NLRP2: variants seen among roughly 807,000 people sequenced by gnomAD.
NLRP2 encodes the protein NLR family pyrin domain containing 2.
A neutral mutation model predicts 97.2 loss-of-function variants in NLRP2; 107 were observed. The observed-to-expected ratio is 1.10, with a 90% CI of 0.94 to 1.29. The LOEUF (loss-of-function observed/expected upper bound fraction) is 1.29. Ranked by LOEUF, NLRP2 falls within the 50% of genes most tolerant of loss-of-function variation. The pLI is 0.00. For synonymous variants in NLRP2, 663 were observed against 551.5 expected (o/e 1.20, Z -2.83); for missense variants, 1,495 against 1,330.3 (o/e 1.12, Z -1.93).
rs577153079 is a variant in NLRP2, at chr19:54,996,994, G to A, written c.2880-323G>A. ...GCGATCTCGGCTCACTGCAACCTCCGCCTCCTGGGTTCAAGCGATTCTCCT... is the reference window on the plus strand; with the variant it reads ...GCGATCTCGGCTCACTGCAACCTCCACCTCCTGGGTTCAAGCGATTCTCCT... On this transcript the variant is annotated intron_variant, in intron 11 of 12. Transcript: ENST00000448584. Among the ~76,000 whole-genome samples the A allele has an allele frequency of 2.7e-4, 41 of 152,060 alleles. 1 individual carries two copies. The highest frequency in any genetic ancestry group is 9.4e-4 in the African/African-American group (39 of 41,496).
rs760197573 is a variant in NLRP2, at chr19:54,970,127, G to T, written c.112G>T (p.Glu38Ter). Residue 38 changes from glutamate to a stop codon, truncating the protein, a stop_gained, in exon 2 of 13, where the codon GAG becomes TAG. Coordinates refer to ENST00000448584, the MANE Select transcript of NLRP2 (RefSeq NM_017852.5). LOFTEE classifies it high-confidence loss of function. The part of the protein sequence containing the change: ...YLITTFSLAH[E>*]LQKIPHKEVD... ...GATCACGACCTTCTCCCTGGCACACGAGCTCCAGAAGATCCCCCACAAGGA... is the reference window on the plus strand; with the variant it reads ...GATCACGACCTTCTCCCTGGCACACTAGCTCCAGAAGATCCCCCACAAGGA... 6.2e-6 allele frequency: 10 copies of T among 1,613,958 alleles called. No homozygotes were observed. In the Admixed American group the frequency reaches 8.3e-5, roughly 13 times the overall value.
At position 54,997,334 on chromosome 19, in the gene NLRP2, T is replaced by TCC; in HGVS notation, c.2899_2900dup (p.Pro968LeufsTer33). The TCC allele has an allele frequency of 6.2e-7, 1 of 1,613,802 alleles. No individual in the cohort carries two copies. Among genetic ancestry groups the TCC allele is most frequent in the Non-Finnish European group, 8.5e-7 (1 of 1,180,018 alleles). On this transcript the variant is annotated frameshift_variant, in exon 12 of 13. Transcript: ENST00000448584. LOFTEE classifies it high-confidence loss of function. ...TTCCCCAGGTTGTGGGGATGTTCCA[T>TCC]CCCTCCGTTCAGTTGTGAAGACCTC...
chr19:54,987,506 C>G (rs1276628058), intron 8 of NLRP2, among the ~76,000 whole-genome samples: 1 of 151,988 alleles, frequency 6.6e-6, no homozygotes, highest in Non-Finnish European at 1.5e-5. Context: ...GCCTGGGAGG[C>G]CGAGGTGGGT....
intron 3 of NLRP2, 116 bp downstream of exon 3, chr19:54,974,660 C>T (rs2071083225): frequency 2.5e-6 from 2 of 811,362 alleles, no homozygotes; most frequent in African/African-American, 1.7e-5. Context: ...GACTTAGCAT[C>T]CCTGCTCCCA....
chr19:54,982,756 A>T lies in NLRP2; in HGVS notation c.1058A>T (p.Tyr353Phe). The T allele has an allele frequency of 6.2e-7, 1 of 1,614,112 alleles. No homozygotes were observed. Residue 353 changes from tyrosine to phenylalanine, a missense_variant, in exon 6 of 13, where the codon TAC becomes TTC. Coordinates refer to ENST00000448584, the MANE Select transcript of NLRP2 (RefSeq NM_017852.5). ...CGGATCCTGGCGGAGGAGCCGATCT[A>T]CATAAGGGTGGAGGGCTTCCTGGAG... ...DLRILAEEPI[Y>F]IRVEGFLEED...
chr19:54,991,410 A>C (rs1234260606), intron 10 of NLRP2: 3 of 152,230 alleles, frequency 2.0e-5, no homozygotes, highest in African/African-American at 7.2e-5. Flanking sequence ...AAAATTAGTC[A>C]CGCATGGTGG....
At chr19:54,971,009 C>T (rs1454615859) in intron 2 of NLRP2, among the ~76,000 whole-genome samples, 6 of 116,344 alleles carry the variant, frequency 5.2e-5, no homozygotes, top group African/African-American at 2.0e-4. Flanking sequence ...GTGTGATGTT[C>T]CCCTTCCTGT....
chr19:54,997,702 G>A (rs369151254), intron 12 of NLRP2, among the ~76,000 whole-genome samples: 89 of 151,128 alleles, frequency 5.9e-4, no homozygotes, highest in African/African-American at 1.9e-3. Flanking sequence ...TGATCCGCCC[G>A]CCTCGGCCTC....
intron 12 of NLRP2, among the ~76,000 whole-genome samples, chr19:54,998,684 G>A (rs1178062869): frequency 1.5e-5 from 2 of 130,370 alleles, no homozygotes; most frequent in African/African-American, 5.8e-5. Flanking sequence ...CTCACAGAGG[G>A]GGATTTGGCA....
chr19:54,985,147 C>T lies in NLRP2; in HGVS notation c.2131C>T (p.Leu711Phe), dbSNP rs1222365479. The change falls in exon 7 of 13, where the codon CTC becomes TTC. Residue 711 changes from leucine to phenylalanine, a missense_variant. Leu to Phe is a conservative substitution (Grantham distance 22). Transcript: ENST00000448584. Reference sequence around the variant, plus strand: ...GGGTCTAGCAATCAATGATAGCTTTCTCAGTGCCTCCCTAGTAAGGATCCT... The same window carrying T: ...GGGTCTAGCAATCAATGATAGCTTTTTCAGTGCCTCCCTAGTAAGGATCCT... ...LMGLAINDSF[L>F]SASLVRILCE... 1 of 1,614,040 alleles carries T rather than the reference C, an allele frequency of 6.2e-7. No individual in the cohort carries two copies.
In NLRP2 at chr19:54,990,463, G is replaced by A. The variant is rs761089735; in HGVS notation, c.2538-39G>A. The A allele has an allele frequency of 4.0e-5, 65 of 1,606,698 alleles. 2 individuals carry two copies. In the South Asian group the frequency reaches 6.9e-4, roughly 17 times the overall value. On this transcript the variant is annotated intron_variant, in intron 9 of 12. Coordinates refer to ENST00000448584, the MANE Select transcript of NLRP2 (RefSeq NM_017852.5). The stretch of plus-strand genomic sequence containing the variant: ...GAGCTAGCCGGGAAGGTTGAAGTTG[G>A]ACCTGTCAACCGTGTTGCCATTTGT...
intron 12 of NLRP2, among the ~76,000 whole-genome samples, chr19:54,998,991 T>A (rs1343470780): frequency 1.4e-5 from 2 of 144,530 alleles, no homozygotes; most frequent in Non-Finnish European, 3.1e-5. Context: ...GAAGAATTTT[T>A]CTTAGTACAG....
At chr19:54,972,338 T>G (rs1051409452) in intron 2 of NLRP2, among the ~76,000 whole-genome samples, 1 of 151,898 alleles carries the variant, frequency 6.6e-6, no homozygotes, top group Non-Finnish European at 1.5e-5. Flanking sequence ...CACCTGCCAC[T>G]GTGCCTGGCT....
Position 54,982,633 on chromosome 19 carries a change from A to T in NLRP2, c.935A>T (p.Lys312Met). 6.2e-7 allele frequency: 1 copy of T among 1,614,134 alleles called. No homozygotes were observed. The highest frequency in any genetic ancestry group is 8.5e-7 in the Non-Finnish European group (1 of 1,180,012). The change falls in exon 6 of 13, where the codon AAG becomes ATG. Residue 312 changes from lysine to methionine, a missense_variant. By Grantham distance (95) the Lys-to-Met change is moderately conservative (BLOSUM62 -1). Coordinates refer to ENST00000448584, the MANE Select transcript of NLRP2 (RefSeq NM_017852.5). ...EDICGDWEKK[K>M]PVPVLLGSLL... ...ATCTGCGGGGACTGGGAGAAGAAGA[A>T]GCCGGTGCCCGTCCTCCTGGGGAGT...
intron 12 of NLRP2, 48 bp from the exon 13 acceptor site, chr19:55,000,712 A>G: frequency 1.9e-6 from 3 of 1,603,794 alleles, no homozygotes; most frequent in Middle Eastern, 1.7e-4. Context: ...TTTGAAACAA[A>G]TCTCCTTGAT....
chr19:54,971,995 A>ATTTTTTTTT (rs61335843), intron 2 of NLRP2, among the ~76,000 whole-genome samples: 3 of 116,388 alleles, frequency 2.6e-5, no homozygotes, highest in Non-Finnish European at 3.4e-5. Flanking sequence ...TGCCTGGCTG[A>ATTTTTTTTT]TTTTTTTTTT....
Position 54,994,265 on chromosome 19 carries a change from C to A in NLRP2, c.2709-4C>A. The stretch of plus-strand genomic sequence containing the variant: ...TTTGCTTTCTTCCTGTGGTTGATTT[C>A]TAGGCTTTGGAACTGCGACATAACT... On this transcript the variant is annotated splice_polypyrimidine_tract_variant and splice_region_variant and intron_variant, in intron 10 of 12. Coordinates refer to ENST00000448584, the MANE Select transcript of NLRP2 (RefSeq NM_017852.5). The A allele has an allele frequency of 3.1e-6, 5 of 1,614,056 alleles. No individual in the cohort carries two copies. Among genetic ancestry groups the A allele is most frequent in the Non-Finnish European group, 4.2e-6 (5 of 1,179,966 alleles).
Position 54,982,169 on chromosome 19 carries a change from C to G in NLRP2, c.471C>G (p.Asp157Glu). 1 of 1,614,056 alleles carries G rather than the reference C, an allele frequency of 6.2e-7. No individual in the cohort carries two copies. The highest frequency in any genetic ancestry group is 8.5e-7 in the Non-Finnish European group (1 of 1,180,038). The change falls in exon 6 of 13, where the codon GAC becomes GAG. Residue 157 changes from aspartate (D) to glutamate (E), a missense_variant. By Grantham distance (45) the Asp-to-Glu change is conservative. Transcript: ENST00000448584. ...TCCTCACCAATGATAAAGACAAAGA[C>G]AATAGGTGCAGGTATATATTGAAGA... ...EVFKGKKPDKDNRCRYILKTK... is the reference protein window; with the variant it reads ...EVFKGKKPDKENRCRYILKTK...
chr19:54,994,247 T>C (rs761774902), intron 10 of NLRP2, 22 bp from the exon 11 acceptor site: 1 of 1,613,856 alleles, frequency 6.2e-7, no homozygotes, highest in South Asian at 1.1e-5. Flanking sequence ...GGGTTTGCTT[T>C]CTTCCTGTGG....
Sources: gnomAD v4.1 joint callset for allele counts (sites outside exome capture counted in the v4.1 genomes callset) on GRCh38, gnomAD v4.1.1 for gene constraint, MANE v1.5 for transcripts, NCBI Gene and HGNC (gene_info 2026-07-23, HGNC 2026-07-21) for gene names.